Variants in PACRG observed in about 807,000 individuals in gnomAD.
PACRG encodes parkin coregulated gene protein.
In PACRG, 29 loss-of-function variants were observed where a neutral mutation model predicts 29.7. That is an observed-to-expected ratio of 0.98 (90% CI 0.73 to 1.33). The LOEUF (loss-of-function observed/expected upper bound fraction) is 1.33, where lower values mean the gene tolerates loss of function less well. Among genes scored for constraint, PACRG ranks in the 40% most tolerant of loss-of-function variants. The pLI is 0.00. For missense variants in PACRG, 279 were observed against 316.2 expected (o/e 0.88, Z 0.89); for synonymous variants, 116 against 118.7 (o/e 0.98, Z 0.15).
chr6:163,058,368 C>G (rs1412107344), intron 2 of PACRG, among the ~76,000 whole-genome samples: 1 of 152,190 alleles, frequency 6.6e-6, no homozygotes, highest in Non-Finnish European at 1.5e-5. Flanking sequence ...ATCTGTGTCT[C>G]TGGTGGCAGT....
At chr6:162,730,064 T>TCTC (rs1554267986) in intron 1 of PACRG, among the ~76,000 whole-genome samples, 2,382 of 73,590 alleles carry the variant, frequency 0.032, 70 homozygotes, top group African/African-American at 0.15. Flanking sequence ...ACTGTCTCTC[T>TCTC]TTTTTTTTTT....
chr6:162,796,007 C>A (rs1483098465), intron 1 of PACRG, among the ~76,000 whole-genome samples: 2 of 152,166 alleles, frequency 1.3e-5, no homozygotes, highest in Non-Finnish European at 2.9e-5. Flanking sequence ...ATCATGTAAT[C>A]TTCAAAGACT....
chr6:162,947,341 T>TC (rs1562765497), intron 2 of PACRG, among the ~76,000 whole-genome samples: 947 of 61,494 alleles, frequency 0.015, 126 homozygotes, highest in Middle Eastern at 0.057. Context: ...ATCATATATA[T>TC]AATGATTACA....
intron 2 of PACRG, among the ~76,000 whole-genome samples, chr6:162,914,634 G>C (rs1183307130): frequency 6.8e-6 from 1 of 147,410 alleles, no homozygotes; most frequent in African/African-American, 2.5e-5. Context: ...TTTTGTTTAG[G>C]ATTGCATTGA....
intron 2 of PACRG, among the ~76,000 whole-genome samples, chr6:162,917,617 C>G (rs1360934230): frequency 6.6e-6 from 1 of 152,120 alleles, no homozygotes; most frequent in African/African-American, 2.4e-5. Context: ...CATTTTTGAG[C>G]AGAGAAAGCA....
intron 2 of PACRG, among the ~76,000 whole-genome samples, chr6:162,866,808 A>C (rs1242223723): frequency 6.6e-6 from 1 of 152,190 alleles, no homozygotes; most frequent in Non-Finnish European, 1.5e-5. Flanking sequence ...AGCAAAGTGC[A>C]CCCAACCGAA....
intron 3 of PACRG, among the ~76,000 whole-genome samples, chr6:163,078,607 T>G (rs941176461): frequency 7.9e-5 from 12 of 152,132 alleles, no homozygotes; most frequent in African/African-American, 2.2e-4. Flanking sequence ...ATTGTCATCA[T>G]TATCATCGTC....
chr6:163,110,569 G>A (rs565940416), intron 4 of PACRG, among the ~76,000 whole-genome samples: 8 of 152,262 alleles, frequency 5.3e-5, no homozygotes, highest in Admixed American at 2.0e-4. Flanking sequence ...AATTTGCTTC[G>A]TTCTTGTCTG....
intron 1 of PACRG, 23 bp downstream of exon 1, chr6:162,728,414 A>G: frequency 6.2e-7 from 1 of 1,606,046 alleles, no homozygotes; most frequent in South Asian, 1.1e-5. Context: ...CCTGAATTAA[A>G]TGCACTCGCT....
At chr6:163,212,783 CT>C (rs34101369) in intron 4 of PACRG, among the ~76,000 whole-genome samples, 142 of 143,998 alleles carry the variant, frequency 9.9e-4, no homozygotes, top group Middle Eastern at 3.8e-3. Context: ...AACTGATAAT[CT>C]TTTTTTTTTT....
chr6:162,976,366 A>T (rs1439423980), intron 2 of PACRG, among the ~76,000 whole-genome samples: 5 of 152,232 alleles, frequency 3.3e-5, no homozygotes, highest in African/African-American at 1.2e-4. Flanking sequence ...GGCCGAACGA[A>T]GTGACCCTAT....
intron 1 of PACRG, 148 bp from the exon 2 acceptor site, chr6:162,813,999 G>A: frequency 1.3e-6 from 1 of 795,610 alleles, no homozygotes; most frequent in Non-Finnish European, 1.8e-6. Flanking sequence ...TGTATTAACA[G>A]ATTTCTGTTG....
chr6:162,955,193 G>A (rs1202634353), intron 2 of PACRG, among the ~76,000 whole-genome samples: 6 of 152,230 alleles, frequency 3.9e-5, no homozygotes, highest in African/African-American at 1.2e-4. Context: ...GGGAGAGCGG[G>A]CTGACCAGGT....
intron 2 of PACRG, among the ~76,000 whole-genome samples, chr6:162,941,964 C>T (rs1378480002): frequency 1.3e-5 from 2 of 152,192 alleles, no homozygotes; most frequent in African/African-American, 2.4e-5. Flanking sequence ...TGTCCACTCA[C>T]CCTCTCACTA....
chr6:163,201,722 C>G (rs952404936), intron 4 of PACRG, among the ~76,000 whole-genome samples: 2 of 152,254 alleles, frequency 1.3e-5, no homozygotes, highest in Non-Finnish European at 2.9e-5. Flanking sequence ...TGGCCTCAGG[C>G]CACCACCTCA....
chr6:162,742,414 G>C (rs1300511331), intron 1 of PACRG, among the ~76,000 whole-genome samples: 20 of 152,170 alleles, frequency 1.3e-4, no homozygotes, highest in Admixed American at 1.2e-3. Context: ...ACGTGGAACT[G>C]TGAGTCTATT....
intron 2 of PACRG, among the ~76,000 whole-genome samples, chr6:162,845,272 G>A (rs574152099): frequency 3.3e-5 from 5 of 152,128 alleles, no homozygotes; most frequent in South Asian, 2.1e-4. Context: ...TATATGCAAC[G>A]GTACGTTCCA....
chr6:163,056,039 T>C (rs565839321), intron 2 of PACRG, among the ~76,000 whole-genome samples: 1 of 152,290 alleles, frequency 6.6e-6, no homozygotes, highest in East Asian at 1.9e-4. Context: ...GTTAGGAAAA[T>C]GAAAATCTAA....
chr6:162,945,416 A>G (rs915803029), intron 2 of PACRG, among the ~76,000 whole-genome samples: 8 of 152,148 alleles, frequency 5.3e-5, no homozygotes, highest in African/African-American at 9.7e-5. Flanking sequence ...GAAGGTTATT[A>G]TATAATAATA....
Sources: allele counts gnomAD v4.1 joint callset (sites outside exome capture counted in the v4.1 genomes callset), GRCh38; gene constraint gnomAD v4.1.1; transcripts MANE v1.5; gene names NCBI Gene and HGNC (gene_info 2026-07-23, HGNC 2026-07-21).